Variants in UGT1A8 observed in about 807,000 individuals in gnomAD.
UGT1A8 encodes UDP-glucuronosyltransferase 1A8.
UGT1A8 carries 39 observed loss-of-function variants against 45.3 expected under a neutral mutation model. The observed-to-expected ratio is 0.86, with a 90% confidence interval of 0.67 to 1.12. UGT1A8 has a LOEUF of 1.12. Ranked by LOEUF, UGT1A8 falls within the 50% of genes most tolerant of loss-of-function variation. The pLI is 0.00. For missense variants in UGT1A8, 719 were observed against 664.9 expected, an observed-to-expected ratio of 1.08 and a Z score of -0.90; for synonymous variants, 275 against 249.2, an observed-to-expected ratio of 1.10 and a Z score of -0.97.
chr2:233,638,872 T>C (rs888750964), intron 1 of UGT1A8, among the ~76,000 whole-genome samples: 2 of 152,232 alleles, frequency 1.3e-5, no homozygotes, highest in African/African-American at 4.8e-5. Context: ...GGCATGACTT[T>C]CAGCTCATGG....
intron 1 of UGT1A8, chr2:233,721,701 C>T: frequency 2.8e-6 from 1 of 362,480 alleles, no homozygotes; most frequent in Non-Finnish European, 5.5e-6. Flanking sequence ...ACGCATGGCT[C>T]ATCTTGGATG....
intron 1 of UGT1A8, among the ~76,000 whole-genome samples, chr2:233,626,730 G>T (rs1575384107): frequency 1.3e-5 from 2 of 151,996 alleles, no homozygotes; most frequent in African/African-American, 4.8e-5. Flanking sequence ...TGTGTAATGA[G>T]TTCTAAAGTT....
intron 1 of UGT1A8, among the ~76,000 whole-genome samples, chr2:233,706,537 CT>C (rs968038091): frequency 9.9e-5 from 15 of 152,128 alleles, no homozygotes; most frequent in Non-Finnish European, 2.1e-4. Flanking sequence ...AGAAACACAG[CT>C]TTTTTTCTAG....
intron 1 of UGT1A8, chr2:233,748,227 A>C (rs1693897590): frequency 1.4e-6 from 2 of 1,423,074 alleles, no homozygotes; most frequent in African/African-American, 2.9e-5. Context: ...ATAAACTGTT[A>C]AGGGGTCTCT....
At chr2:233,672,332 T>C in intron 1 of UGT1A8, 3 of 1,614,164 alleles carry the variant, frequency 1.9e-6, no homozygotes, top group African/African-American at 2.7e-5. Context: ...GACAAAAAAT[T>C]AGTAGAATAC....
At chr2:233,668,751 A>G (rs921652413) in intron 1 of UGT1A8, among the ~76,000 whole-genome samples, 4 of 152,182 alleles carry the variant, frequency 2.6e-5, no homozygotes, top group African/African-American at 9.7e-5. Flanking sequence ...ATCAACACTG[A>G]CACATTATGT....
At chr2:233,732,043 G>A (rs879000369) in intron 1 of UGT1A8, among the ~76,000 whole-genome samples, 3 of 152,324 alleles carry the variant, frequency 2.0e-5, no homozygotes, top group African/African-American at 7.2e-5. Context: ...CAGTGATGAT[G>A]AGCATTTATT....
In UGT1A8 at chr2:233,617,943, C is replaced by A. The variant is rs753371327; in HGVS notation, c.236C>A (p.Thr79Asn). 4 of 1,614,036 alleles carry A rather than the reference C, an allele frequency of 2.5e-6. No individual in the cohort carries two copies. Among genetic ancestry groups the A allele is most frequent in the East Asian group, 4.5e-5 (2 of 44,896 alleles). The stretch of plus-strand genomic sequence containing the variant: ...AATTGCACAGTGAAGACTTACTCAA[C>A]CTCATACACTCTGGAGGATCTGGAC... The part of the protein sequence containing the change: ...SLNCTVKTYS[T>N]SYTLEDLDRE... Residue 79 changes from threonine to asparagine, a missense_variant, in exon 1 of 5, where the codon ACC becomes AAC. Thr to Asn is a moderately conservative substitution (Grantham distance 65). Transcript: ENST00000373450.
At chr2:233,719,476 C>T (rs1220273239) in intron 1 of UGT1A8, 3 of 1,613,886 alleles carry the variant, frequency 1.9e-6, no homozygotes, top group African/African-American at 2.7e-5. Flanking sequence ...TACCCTCTGG[C>T]CCTGTCCTAC....
chr2:233,682,073 G>A (rs2074555937), intron 1 of UGT1A8: 4 of 1,614,098 alleles, frequency 2.5e-6, no homozygotes, highest in Non-Finnish European at 3.4e-6. Flanking sequence ...GTCGGTGGTG[G>A]AGAAACTCAT....
At chr2:233,666,480 C>G (rs981169265) in intron 1 of UGT1A8, among the ~76,000 whole-genome samples, 3 of 152,122 alleles carry the variant, frequency 2.0e-5, no homozygotes, top group Admixed American at 1.3e-4. Context: ...TGTTTGCCAT[C>G]TGTGTACCTT....
At chr2:233,699,748 C>T (rs1437214781) in intron 1 of UGT1A8, among the ~76,000 whole-genome samples, 1 of 152,182 alleles carries the variant, frequency 6.6e-6, no homozygotes, top group African/African-American at 2.4e-5. Context: ...GAAAACTAGA[C>T]CCCAGTTCCT....
Position 233,685,551 on chromosome 2 carries a change from C to T in UGT1A8, c.855+66989C>T, listed in dbSNP as rs181887946. On this transcript the variant is annotated intron_variant, in intron 1 of 4. Coordinates refer to ENST00000373450, the MANE Select transcript of UGT1A8 (RefSeq NM_019076.5). ...ATTGCTCTCGCATTCTGTTTTTGAT[C>T]CAAATTCAAATTTACCTGTTACTGG... Among the ~76,000 whole-genome samples, 1,103 of 152,292 alleles carry T rather than the reference C, an allele frequency of 7.2e-3. 7 individuals are homozygous for T. Among genetic ancestry groups the T allele is most frequent in the Non-Finnish European group, 0.013 (869 of 68,020 alleles).
chr2:233,738,227 A>G (rs1250315362), intron 1 of UGT1A8, among the ~76,000 whole-genome samples: 1 of 151,870 alleles, frequency 6.6e-6, no homozygotes, highest in African/African-American at 2.4e-5. Context: ...AAGTTTCCTG[A>G]GGCCCCTCCA....
At chr2:233,682,742 A>G (rs774087755) in intron 1 of UGT1A8, 3 of 1,613,950 alleles carry the variant, frequency 1.9e-6, no homozygotes, top group Non-Finnish European at 2.5e-6. Flanking sequence ...GATGCCCAAT[A>G]TGATCTTCAT....
At chr2:233,714,597 G>T (rs1437525626) in intron 1 of UGT1A8, among the ~76,000 whole-genome samples, 2 of 152,186 alleles carry the variant, frequency 1.3e-5, no homozygotes, top group Admixed American at 6.5e-5. Context: ...TTTCTAGTGG[G>T]CATGTTAAAC....
intron 1 of UGT1A8, among the ~76,000 whole-genome samples, chr2:233,695,248 C>G (rs1273194051): frequency 6.6e-6 from 1 of 151,840 alleles, no homozygotes; most frequent in East Asian, 1.9e-4. Flanking sequence ...GCCTCAGCCT[C>G]CTGAGTAGCT....
intron 1 of UGT1A8, among the ~76,000 whole-genome samples, chr2:233,708,034 T>C (rs1391867324): frequency 2.6e-5 from 4 of 152,230 alleles, no homozygotes; most frequent in Non-Finnish European, 5.9e-5. Flanking sequence ...TTGGCAGTTA[T>C]AGATATTGCA....
intron 1 of UGT1A8, among the ~76,000 whole-genome samples, chr2:233,662,399 A>G (rs2073991797): frequency 6.6e-6 from 1 of 152,184 alleles, no homozygotes; most frequent in Non-Finnish European, 1.5e-5. Flanking sequence ...TTATTGCAAC[A>G]AATCTGCCCA....
Sources: gnomAD v4.1 joint callset for allele counts (sites outside exome capture counted in the v4.1 genomes callset) on GRCh38, gnomAD v4.1.1 for gene constraint, MANE v1.5 for transcripts, NCBI Gene and HGNC (gene_info 2026-07-23, HGNC 2026-07-21) for gene names.